Variants in ELL observed in about 807,000 individuals in gnomAD.
ELL encodes the protein RNA polymerase II elongation factor ELL.
Under a neutral mutation model 64.0 loss-of-function variants are expected in ELL, and 18 were observed. That is an observed-to-expected ratio of 0.28 (90% CI 0.19 to 0.42). The LOEUF is 0.42. ELL is among the 10% of genes least tolerant of loss of function. The pLI is 1.00. For synonymous variants in ELL, 399 were observed against 376.2 expected, an observed-to-expected ratio of 1.06 and a Z score of -0.70; for missense variants, 797 against 870.4, an observed-to-expected ratio of 0.92 and a Z score of 1.06.
chr19:18,483,518 C>A (rs1009815666), intron 1 of ELL, among the ~76,000 whole-genome samples: 1 of 152,154 alleles, frequency 6.6e-6, no homozygotes. Context: ...AGACGGCCAG[C>A]CTCCATCACT....
chr19:18,468,349 T>C (rs934593839), intron 2 of ELL, among the ~76,000 whole-genome samples: 2 of 152,242 alleles, frequency 1.3e-5, no homozygotes, highest in Admixed American at 6.5e-5. Context: ...CATCCAGATC[T>C]GTCCTGCTTC....
chr19:18,497,348 T>C (rs1025768452), intron 1 of ELL, among the ~76,000 whole-genome samples: 2 of 152,088 alleles, frequency 1.3e-5, no homozygotes, highest in African/African-American at 4.8e-5. Flanking sequence ...AGAGCATCGG[T>C]GGATGCCAGC....
At chr19:18,480,781 A>G (rs1051259379) in intron 1 of ELL, among the ~76,000 whole-genome samples, 2 of 152,052 alleles carry the variant, frequency 1.3e-5, no homozygotes, top group Non-Finnish European at 2.9e-5. Flanking sequence ...CCACAGGCAC[A>G]CACCAACACA....
intron 8 of ELL, among the ~76,000 whole-genome samples, chr19:18,447,615 A>C (rs552058705): frequency 3.3e-5 from 5 of 152,346 alleles, no homozygotes; most frequent in Admixed American, 2.0e-4. Context: ...CGGCCACATA[A>C]GACAACACCC....
chr19:18,453,563 G>A (rs111345309), intron 6 of ELL, among the ~76,000 whole-genome samples: 3,657 of 152,206 alleles, frequency 0.024, 94 homozygotes, highest in African/African-American at 0.066. Context: ...ACCCAGGGAT[G>A]ACTGGAATAA....
At position 18,472,883 on chromosome 19, in the gene ELL, CT is replaced by C; in HGVS notation, c.136-2del. 2.5e-6 allele frequency: 3 copies of C among 1,184,440 alleles called. No homozygotes were observed. The highest frequency in any genetic ancestry group is 3.4e-6 in the Non-Finnish European group (3 of 881,834). 73.4% of individuals were successfully genotyped at this position (1,184,440 alleles called of 1,614,324 possible). On this transcript the variant is annotated splice_acceptor_variant, in intron 1 of 11. Transcript: ENST00000262809. LOFTEE classifies it high-confidence loss of function. The stretch of plus-strand genomic sequence containing the variant: ...TAGATGGCCTCAGTGAAACAGAATC[CT>C]ATAAAAAAAAAAAAAAAAAAAAAAA...
At chr19:18,489,562 A>C in intron 1 of ELL, among the ~76,000 whole-genome samples, 1 of 152,082 alleles carries the variant, frequency 6.6e-6, no homozygotes, top group East Asian at 1.9e-4. Flanking sequence ...AATCTTACCC[A>C]AGTATCTATT....
At position 18,449,864 on chromosome 19, in the gene ELL, T is replaced by C. The variant is rs1406721855; in HGVS notation, c.1465+613A>G. ...GGTGCTAGGCGGGTGCTACTGCTGC[T>C]CAGTTTAGGTGCCTGGGCTGTGGTC... On this transcript the variant is annotated intron_variant, in intron 8 of 11. Transcript: ENST00000262809. The surrounding 1 kb of genome is among the most constrained non-coding windows in gnomAD (Gnocchi z 4.4). Among the ~76,000 whole-genome samples, 1 of 152,092 alleles carries C rather than the reference T, an allele frequency of 6.6e-6. No individual in the cohort carries two copies. The highest frequency in any genetic ancestry group is 1.5e-5 in the Non-Finnish European group (1 of 68,002).
intron 1 of ELL, among the ~76,000 whole-genome samples, chr19:18,495,512 G>A (rs1007549745): frequency 1.3e-5 from 2 of 152,190 alleles, no homozygotes; most frequent in Non-Finnish European, 1.5e-5. Flanking sequence ...TGCTTCAGGC[G>A]TCAGGAGGAC....
chr19:18,460,239 C>A (rs566334786), intron 5 of ELL, among the ~76,000 whole-genome samples: 1 of 152,330 alleles, frequency 6.6e-6, no homozygotes, highest in South Asian at 2.1e-4. Context: ...TGAGGCACAT[C>A]CCCCTCCTCT....
intron 1 of ELL, among the ~76,000 whole-genome samples, chr19:18,496,266 C>T (rs567940364): frequency 3.7e-4 from 57 of 152,204 alleles, no homozygotes; most frequent in Non-Finnish European, 7.3e-4. Context: ...AAAAGAGCCA[C>T]CCGTGAGCCC....
intron 1 of ELL, among the ~76,000 whole-genome samples, chr19:18,506,103 C>T (rs1975879357): frequency 6.6e-6 from 1 of 152,214 alleles, no homozygotes; most frequent in Admixed American, 6.5e-5. Context: ...AGCCTCCCTC[C>T]AAGCCCTGGG....
rs539695935 is a variant in ELL, at chr19:18,466,105, T to C, written c.184-187A>G. Among the ~76,000 whole-genome samples, 186 of 152,108 alleles carry C rather than the reference T, an allele frequency of 1.2e-3. 1 individual carries two copies. The highest frequency in any genetic ancestry group is 4.3e-3 in the African/African-American group (177 of 41,502). On this transcript the variant is annotated intron_variant, in intron 2 of 11. Coordinates refer to ENST00000262809, the MANE Select transcript of ELL (RefSeq NM_006532.4). ...GCAGCCCATCCTCAGCAACACACACTGCGTAGAGAGGGGACTCAGGCACCT... is the reference window on the plus strand; with the variant it reads ...GCAGCCCATCCTCAGCAACACACACCGCGTAGAGAGGGGACTCAGGCACCT...
Position 18,457,873 on chromosome 19 carries a change from C to T in ELL, c.869+332G>A, listed in dbSNP as rs796509827. ...ACTTCCCAGGCCCTGTGGGGATGCC[C>T]AGGTTGTGGAGGGAAGCATGAAGGG... On this transcript the variant is annotated intron_variant, in intron 6 of 11. Transcript: ENST00000262809. 3.3e-5 allele frequency among the ~76,000 whole-genome samples: 5 copies of T among 152,298 alleles called. No individual in the cohort carries two copies. In the South Asian group the frequency reaches 1.0e-3, roughly 32 times the overall value.
At chr19:18,495,571 C>T (rs1440070965) in intron 1 of ELL, among the ~76,000 whole-genome samples, 2 of 152,190 alleles carry the variant, frequency 1.3e-5, no homozygotes, top group Admixed American at 1.3e-4. Flanking sequence ...GCCCAGCTCC[C>T]ACTGCAGCTG....
At chr19:18,480,315 G>A (rs971483024) in intron 1 of ELL, among the ~76,000 whole-genome samples, 1 of 152,240 alleles carries the variant, frequency 6.6e-6, no homozygotes, top group Non-Finnish European at 1.5e-5. Context: ...TTGAGGCCAC[G>A]GAGAGTTTAG....
intron 1 of ELL, among the ~76,000 whole-genome samples, chr19:18,493,226 C>G (rs1292830211): frequency 2.0e-5 from 3 of 152,142 alleles, no homozygotes; most frequent in African/African-American, 4.8e-5. Flanking sequence ...CTGGGGATCC[C>G]ATCAGGGCAA....
chr19:18,474,655 C>T (rs1297042504), intron 1 of ELL, among the ~76,000 whole-genome samples: 1 of 152,246 alleles, frequency 6.6e-6, no homozygotes, highest in African/African-American at 2.4e-5. Context: ...CTGCTGCAGT[C>T]ACAAGGGCCA....
At chr19:18,467,089 G>A (rs760659217) in intron 2 of ELL, among the ~76,000 whole-genome samples, 25 of 152,302 alleles carry the variant, frequency 1.6e-4, no homozygotes, top group Non-Finnish European at 2.9e-4. Flanking sequence ...CTGGGGTAGT[G>A]TTTGGACACA....
Sources: allele counts gnomAD v4.1 joint callset (sites outside exome capture counted in the v4.1 genomes callset), GRCh38; gene constraint gnomAD v4.1.1; non-coding constraint Gnocchi (gnomAD v3.1); transcripts MANE v1.5; gene names NCBI Gene and HGNC (gene_info 2026-07-23, HGNC 2026-07-21).